Variants in STIM1 observed in about 807,000 individuals in gnomAD.
STIM1 encodes the protein stromal interaction molecule 1.
A neutral mutation model predicts 74.7 loss-of-function variants in STIM1; 25 were observed. That is an observed-to-expected ratio of 0.33 (90% CI 0.24 to 0.47). STIM1 has a LOEUF of 0.47. Ranked by LOEUF, STIM1 falls within the 20% of genes least tolerant of loss-of-function variation. The probability of loss-of-function intolerance (pLI) is 1.00; values close to 1 mark genes in which losing one functional copy is unlikely to be tolerated. For synonymous variants in STIM1, 328 were observed against 348.8 expected, an observed-to-expected ratio of 0.94 and a Z score of 0.66; for missense variants, 728 against 920.8, an observed-to-expected ratio of 0.79 and a Z score of 2.71.
At chr11:4,059,441 A>G (rs1359168902) in intron 5 of STIM1, 45 bp downstream of exon 5, 2 of 1,563,182 alleles carry the variant, frequency 1.3e-6, no homozygotes, top group Non-Finnish European at 1.8e-6. Context: ...CATGGAAACC[A>G]AAGCTGTTGT....
chr11:4,063,374 A>G (rs4910596), intron 5 of STIM1, among the ~76,000 whole-genome samples: 37,007 of 152,114 alleles, frequency 0.24, 5,602 homozygotes, highest in South Asian at 0.44. Flanking sequence ...TTACAAGTTG[A>G]AGGTTTGTGG....
At chr11:4,061,746 T>C (rs2094332307) in intron 5 of STIM1, among the ~76,000 whole-genome samples, 1 of 152,164 alleles carries the variant, frequency 6.6e-6, no homozygotes, top group South Asian at 2.1e-4. Context: ...AACCCAACTG[T>C]CTATTAATAG....
chr11:3,894,637 C>G (rs1289684120), intron 1 of STIM1, among the ~76,000 whole-genome samples: 1 of 152,174 alleles, frequency 6.6e-6, no homozygotes, highest in Admixed American at 6.5e-5. Flanking sequence ...ATGTTCCAGA[C>G]CCAGGGTCCT....
chr11:3,900,110 A>T (rs1388213809), intron 1 of STIM1, among the ~76,000 whole-genome samples: 3 of 151,916 alleles, frequency 2.0e-5, no homozygotes, highest in Admixed American at 6.6e-5. Flanking sequence ...TCCTCCTTGT[A>T]CCTCTGCCTA....
At chr11:4,053,424 CT>C (rs2094260370) in intron 3 of STIM1, among the ~76,000 whole-genome samples, 1 of 152,172 alleles carries the variant, frequency 6.6e-6, no homozygotes, top group Non-Finnish European at 1.5e-5. Context: ...AATTCATGTC[CT>C]TTGTAGGGAC....
At chr11:3,985,855 G>A (rs1458814679) in intron 2 of STIM1, among the ~76,000 whole-genome samples, 3 of 152,184 alleles carry the variant, frequency 2.0e-5, no homozygotes, top group Non-Finnish European at 2.9e-5. Context: ...GTCTGTGTCT[G>A]CATATGCCTC....
In STIM1 at chr11:3,875,907, AG is replaced by A. The variant is rs200021420; in HGVS notation, c.139+19499del. Reference sequence around the variant, plus strand: ...TAACATAGGCAACCTGAAATAGCTTAGTCAAATATATTGAACTAAATAAGGA... The same window carrying A: ...TAACATAGGCAACCTGAAATAGCTTATCAAATATATTGAACTAAATAAGGA... On this transcript the variant is annotated intron_variant, in intron 1 of 12. Transcript: ENST00000526596. 2.8e-3 allele frequency among the ~76,000 whole-genome samples: 424 copies of A among 152,356 alleles called. 1 individual carries two copies. The highest frequency in any genetic ancestry group is 9.6e-3 in the African/African-American group (400 of 41,578).
intron 1 of STIM1, among the ~76,000 whole-genome samples, chr11:3,938,288 G>C (rs2092961037): frequency 6.6e-6 from 1 of 152,138 alleles, no homozygotes; most frequent in Admixed American, 6.5e-5. Context: ...GGGAGTCAAA[G>C]TTTCAGTCTC....
At chr11:3,978,192 A>G (rs1220696143) in intron 2 of STIM1, among the ~76,000 whole-genome samples, 1 of 143,026 alleles carries the variant, frequency 7.0e-6, no homozygotes, top group Non-Finnish European at 1.5e-5. Flanking sequence ...CTTGTTGCCC[A>G]GGCTGGAGTG....
At position 3,938,056 on chromosome 11, in the gene STIM1, C is replaced by T. The variant is rs189184526; in HGVS notation, c.140-29496C>T. ...TCAAGCGATTCTCTTGCTTCAGCCT[C>T]CCGAGTAGCTGGGTTTACAGGTGCC... On this transcript the variant is annotated intron_variant, in intron 1 of 12. Coordinates refer to ENST00000526596, the MANE Select transcript of STIM1 (RefSeq NM_001382567.1). Among the ~76,000 whole-genome samples the T allele has an allele frequency of 2.6e-4, 40 of 151,994 alleles. 1 individual carries two copies. In the East Asian group the frequency reaches 7.8e-3, roughly 30 times the overall value.
At chr11:3,957,966 A>G (rs1296970605) in intron 1 of STIM1, among the ~76,000 whole-genome samples, 1 of 152,018 alleles carries the variant, frequency 6.6e-6, no homozygotes, top group African/African-American at 2.4e-5. Context: ...CCCGGGTTCA[A>G]GCGATTCTCC....
chr11:3,865,704 G>A (rs1228721650), intron 1 of STIM1, among the ~76,000 whole-genome samples: 1 of 152,178 alleles, frequency 6.6e-6, no homozygotes, highest in East Asian at 1.9e-4. Context: ...GCCTTATGTT[G>A]TATGTCTCAC....
intron 3 of STIM1, among the ~76,000 whole-genome samples, chr11:4,032,479 C>T (rs2094059332): frequency 6.6e-6 from 1 of 152,158 alleles, no homozygotes; most frequent in African/African-American, 2.4e-5. Context: ...AGTGTTAGCC[C>T]TCCAACTTTG....
intron 1 of STIM1, among the ~76,000 whole-genome samples, chr11:3,887,325 C>T (rs544087241): frequency 1.3e-5 from 2 of 152,316 alleles, no homozygotes; most frequent in African/African-American, 4.8e-5. Context: ...CATCTGTTCT[C>T]AGCCTGGCCT....
chr11:3,883,793 CTT>C (rs2091605982), intron 1 of STIM1, among the ~76,000 whole-genome samples: 1 of 152,112 alleles, frequency 6.6e-6, no homozygotes, highest in Non-Finnish European at 1.5e-5. Context: ...CTAAATGAAA[CTT>C]GAGTATAGAC....
chr11:4,069,967 C>G, intron 5 of STIM1, 59 bp from the exon 6 acceptor site: 1 of 1,596,194 alleles, frequency 6.3e-7, no homozygotes, highest in South Asian at 1.1e-5. Flanking sequence ...GCAGTGGAGT[C>G]TGCAAGGCTA....
intron 12 of STIM1, among the ~76,000 whole-genome samples, chr11:4,087,567 G>T (rs1446307630): frequency 6.6e-6 from 1 of 152,104 alleles, no homozygotes; most frequent in South Asian, 2.1e-4. Context: ...GAAAGGGAAG[G>T]GTTTTGGCCT....
chr11:3,881,537 A>T (rs1377673964), intron 1 of STIM1, among the ~76,000 whole-genome samples: 1 of 151,472 alleles, frequency 6.6e-6, no homozygotes, highest in African/African-American at 2.4e-5. Context: ...CACCCGGCTA[A>T]TTTTTTTGTA....
intron 3 of STIM1, among the ~76,000 whole-genome samples, chr11:4,041,899 C>A (rs1219422954): frequency 2.0e-5 from 3 of 152,154 alleles, no homozygotes; most frequent in African/African-American, 7.2e-5. Flanking sequence ...AGCTCACATT[C>A]TTAACCACTG....
Sources: gnomAD v4.1 joint callset for allele counts (sites outside exome capture counted in the v4.1 genomes callset) on GRCh38, gnomAD v4.1.1 for gene constraint, MANE v1.5 for transcripts, NCBI Gene and HGNC (gene_info 2026-07-23, HGNC 2026-07-21) for gene names.